PALM2AKAP2: variants seen among roughly 807,000 people sequenced by gnomAD.
The protein encoded by PALM2AKAP2 is PALM2 and AKAP2 fusion, also known as PALM2-AKAP2 fusion protein.
Under a neutral mutation model 71.5 loss-of-function variants are expected in PALM2AKAP2, and 37 were observed. The ratio of observed to expected loss-of-function variants is 0.52; its 90% CI spans 0.40 to 0.68. The LOEUF (loss-of-function observed/expected upper bound fraction) is 0.68. Ranked by LOEUF, PALM2AKAP2 falls within the 30% of genes least tolerant of loss-of-function variation. PALM2AKAP2 has a pLI of 0.00. For synonymous variants in PALM2AKAP2, 468 were observed against 478.8 expected, an observed-to-expected ratio of 0.98 and a Z score of 0.29; for missense variants, 1,224 against 1,191.8, an observed-to-expected ratio of 1.03 and a Z score of -0.40.
At chr9:109,988,525 GAAGAAGGAAGGC>G (rs1201442208) in intron 6 of PALM2AKAP2, among the ~76,000 whole-genome samples, 1 of 151,124 alleles carries the variant, frequency 6.6e-6, no homozygotes, top group African/African-American at 2.4e-5. Context: ...GGAAGGGAGG[GAAGAAGGAAGGC>G]AAGAAGGAAG....
chr9:109,794,981 G>T (rs1036222985), intron 1 of PALM2AKAP2, among the ~76,000 whole-genome samples: 2 of 152,214 alleles, frequency 1.3e-5, no homozygotes, highest in Non-Finnish European at 2.9e-5. Context: ...ACATATGCTT[G>T]ATCCTGAAAT....
intron 1 of PALM2AKAP2, among the ~76,000 whole-genome samples, chr9:109,746,032 C>A (rs1174713944): frequency 6.6e-6 from 1 of 152,208 alleles, no homozygotes; most frequent in Non-Finnish European, 1.5e-5. Flanking sequence ...GTGCTGTAAT[C>A]TTTGCCAGGG....
At chr9:109,713,185 A>G (rs1161928385) in intron 1 of PALM2AKAP2, among the ~76,000 whole-genome samples, 1 of 152,188 alleles carries the variant, frequency 6.6e-6, no homozygotes, top group Non-Finnish European at 1.5e-5. Context: ...CATGGCAGGC[A>G]TTTATTGAAT....
chr9:110,162,187 C>T, intron 3 of PALM2AKAP2, 55 bp downstream of exon 10: 1 of 1,604,754 alleles, frequency 6.2e-7, no homozygotes, highest in South Asian at 1.1e-5. Flanking sequence ...CAGGTGCATG[C>T]TGTTGTGGTT....
intron 6 of PALM2AKAP2, chr9:109,944,391 C>A (rs1831452288): frequency 6.6e-6 from 1 of 151,996 alleles, no homozygotes; most frequent in Non-Finnish European, 1.5e-5. Context: ...TCTGTCCAAC[C>A]TACAATGGTT....
intron 1 of PALM2AKAP2, among the ~76,000 whole-genome samples, chr9:109,813,243 C>T (rs1489702394): frequency 6.6e-6 from 1 of 152,214 alleles, no homozygotes; most frequent in Admixed American, 6.5e-5. Context: ...TGTGTGGCTG[C>T]TGAGGCTTGA....
chr9:110,012,279 C>T (rs766147117), intron 6 of PALM2AKAP2, among the ~76,000 whole-genome samples: 47 of 151,620 alleles, frequency 3.1e-4, no homozygotes, highest in African/African-American at 1.0e-3. Context: ...AGTGACAGAG[C>T]GAGACTCTGT....
At chr9:109,937,723 A>G (rs970311019) in intron 6 of PALM2AKAP2, among the ~76,000 whole-genome samples, 4 of 152,130 alleles carry the variant, frequency 2.6e-5, no homozygotes, top group African/African-American at 7.2e-5. Context: ...CTTCCATTGA[A>G]TTGTCTTCTA....
At chr9:110,024,803 A>G (rs1833145253) in intron 7 of PALM2AKAP2, 1 of 650,962 alleles carries the variant, frequency 1.5e-6, no homozygotes, top group Admixed American at 2.7e-5. Context: ...AAAAAAAGAT[A>G]TGCCAGTGTC....
chr9:109,880,489 G>T, intron 2 of PALM2AKAP2, 62 bp from the exon 3 acceptor site: 1 of 1,591,266 alleles, frequency 6.3e-7, no homozygotes, highest in South Asian at 1.1e-5. Context: ...CCACTGCAGA[G>T]GGAGAGGACA....
At chr9:110,042,526 G>A (rs1224750084) in intron 7 of PALM2AKAP2, among the ~76,000 whole-genome samples, 2 of 152,180 alleles carry the variant, frequency 1.3e-5, no homozygotes, top group East Asian at 1.9e-4. Flanking sequence ...TTGGAAATCC[G>A]TAAACATACA....
At chr9:109,740,050 G>A (rs1828695798) in intron 1 of PALM2AKAP2, among the ~76,000 whole-genome samples, 1 of 152,200 alleles carries the variant, frequency 6.6e-6, no homozygotes, top group African/African-American at 2.4e-5. Flanking sequence ...TAAAATGTAA[G>A]TGTTTTGGCC....
At chr9:110,113,601 G>A (rs1835297029) in intron 1 of PALM2AKAP2, among the ~76,000 whole-genome samples, 1 of 151,684 alleles carries the variant, frequency 6.6e-6, no homozygotes, top group African/African-American at 2.4e-5. Context: ...TCGGCTCACT[G>A]CAACTTCTGC....
chr9:109,935,791 AC>A (rs1831205822), intron 6 of PALM2AKAP2, among the ~76,000 whole-genome samples: 2 of 152,094 alleles, frequency 1.3e-5, no homozygotes, highest in African/African-American at 4.8e-5. Context: ...GGGAACTGGG[AC>A]CCTGATCCCA....
At chr9:109,927,558 CTG>C (rs1264807618) in intron 5 of PALM2AKAP2, among the ~76,000 whole-genome samples, 1 of 152,164 alleles carries the variant, frequency 6.6e-6, no homozygotes, top group Non-Finnish European at 1.5e-5. Flanking sequence ...CTGCTGGTGT[CTG>C]TGTGTGTAAT....
chr9:110,003,725 C>CAT (rs1228525535), intron 6 of PALM2AKAP2, among the ~76,000 whole-genome samples: 1 of 152,184 alleles, frequency 6.6e-6, no homozygotes, highest in African/African-American at 2.4e-5. Context: ...GTATTGGATG[C>CAT]ATATATATTT....
intron 6 of PALM2AKAP2, among the ~76,000 whole-genome samples, chr9:110,011,943 A>G (rs962440519): frequency 1.3e-5 from 2 of 152,346 alleles, no homozygotes; most frequent in African/African-American, 4.8e-5. Context: ...GAAGAATTAC[A>G]TCATGACACA....
intron 1 of PALM2AKAP2, among the ~76,000 whole-genome samples, chr9:109,860,079 A>G (rs1349490026): frequency 6.6e-6 from 1 of 152,206 alleles, no homozygotes; most frequent in African/African-American, 2.4e-5. Context: ...AGTGAGTTTT[A>G]ATATCTGATG....
At chr9:109,747,683 T>G (rs571116696) in intron 1 of PALM2AKAP2, among the ~76,000 whole-genome samples, 1 of 152,310 alleles carries the variant, frequency 6.6e-6, no homozygotes, top group South Asian at 2.1e-4. Context: ...TTTTCTTTTT[T>G]TTTTGAGACA....
Sources: allele counts gnomAD v4.1 joint callset (sites outside exome capture counted in the v4.1 genomes callset), GRCh38; gene constraint gnomAD v4.1.1; transcripts MANE v1.5; gene names NCBI Gene and HGNC (gene_info 2026-07-23, HGNC 2026-07-21).